The following DPP10 variants were observed in gnomAD, a reference collection of about 807,000 sequenced individuals.
DPP10 encodes the protein dipeptidyl peptidase like 10, also known as inactive dipeptidyl peptidase 10.
DPP10 carries 33 observed loss-of-function variants against 120.9 expected under a neutral mutation model. The observed-to-expected ratio is 0.27, with a 90% CI of 0.21 to 0.37. The LOEUF is 0.37. Ranked by LOEUF, DPP10 falls within the 10% of genes least tolerant of loss-of-function variation. DPP10 has a pLI of 1.00. For synonymous variants in DPP10, 337 were observed against 326.1 expected, an observed-to-expected ratio of 1.03 and a Z score of -0.36; for missense variants, 816 against 942.8, an observed-to-expected ratio of 0.87 and a Z score of 1.76.
intron 4 of DPP10, among the ~76,000 whole-genome samples, chr2:115,507,754 A>T (rs1417572712): frequency 6.6e-6 from 1 of 152,176 alleles, no homozygotes; most frequent in Non-Finnish European, 1.5e-5. Context: ...GTCATATTTT[A>T]AAAGTACACT....
chr2:114,625,131 G>T (rs1227630971), intron 1 of DPP10, among the ~76,000 whole-genome samples: 1 of 151,892 alleles, frequency 6.6e-6, no homozygotes, highest in Non-Finnish European at 1.5e-5. Flanking sequence ...ATGGTAGTTG[G>T]CTGACATTGC....
At chr2:114,608,992 G>C (rs72953536) in intron 1 of DPP10, among the ~76,000 whole-genome samples, 1 of 151,996 alleles carries the variant, frequency 6.6e-6, no homozygotes, top group South Asian at 2.1e-4. Context: ...ACAGCATCAC[G>C]CAATATACTC....
chr2:115,748,229 GTT>G (rs11284953), intron 10 of DPP10, among the ~76,000 whole-genome samples: 2,182 of 145,944 alleles, frequency 0.015, 48 homozygotes, highest in African/African-American at 0.05. Context: ...ATGTTTATGG[GTT>G]TTTTTTTTTT....
At chr2:115,460,643 G>T (rs10864941) in intron 3 of DPP10, among the ~76,000 whole-genome samples, 21,309 of 151,912 alleles carry the variant, frequency 0.14, 3,254 homozygotes, top group African/African-American at 0.37. Flanking sequence ...ACATGATATT[G>T]TCCCTACTGT....
chr2:114,697,128 A>G (rs1337288490), intron 1 of DPP10, among the ~76,000 whole-genome samples: 3 of 152,050 alleles, frequency 2.0e-5, no homozygotes, highest in Non-Finnish European at 4.4e-5. Context: ...CACCTTTTTC[A>G]TAGGAATATT....
chr2:115,818,009 G>T (rs534886190), intron 21 of DPP10, among the ~76,000 whole-genome samples: 67 of 151,920 alleles, frequency 4.4e-4, no homozygotes, highest in African/African-American at 1.5e-3. Context: ...AAAAAACAAA[G>T]ATAAATAGAG....
At chr2:114,836,874 T>C (rs1687782440) in intron 1 of DPP10, among the ~76,000 whole-genome samples, 1 of 152,170 alleles carries the variant, frequency 6.6e-6, no homozygotes. Context: ...AGAAAAATAA[T>C]TCAGTGATAT....
At chr2:115,078,517 G>T (rs1267017402) in intron 1 of DPP10, among the ~76,000 whole-genome samples, 1 of 152,168 alleles carries the variant, frequency 6.6e-6, no homozygotes, top group East Asian at 1.9e-4. Flanking sequence ...CTAAAATGTA[G>T]GCAGGTGTAA....
intron 1 of DPP10, among the ~76,000 whole-genome samples, chr2:114,658,257 A>G (rs931350511): frequency 1.6e-4 from 24 of 152,276 alleles, no homozygotes; most frequent in Non-Finnish European, 3.1e-4. Flanking sequence ...GAGATAAAGG[A>G]TATTTGACAA....
At chr2:115,672,846 A>G (rs1425119337) in intron 5 of DPP10, among the ~76,000 whole-genome samples, 3 of 151,610 alleles carry the variant, frequency 2.0e-5, no homozygotes, top group Non-Finnish European at 4.4e-5. Flanking sequence ...ACCTGGGTTC[A>G]AGTGATTCTC....
At chr2:115,004,410 T>C (rs1487272266) in intron 1 of DPP10, among the ~76,000 whole-genome samples, 10 of 152,312 alleles carry the variant, frequency 6.6e-5, no homozygotes, top group African/African-American at 2.4e-4. Flanking sequence ...GCTCCCAGCC[T>C]GAGCGACGCA....
chr2:114,538,271 G>A (rs1028656121), intron 1 of DPP10, among the ~76,000 whole-genome samples: 5 of 152,174 alleles, frequency 3.3e-5, no homozygotes, highest in African/African-American at 7.2e-5. Context: ...AGAGAAGAAA[G>A]AAGAGGAAAG....
intron 1 of DPP10, among the ~76,000 whole-genome samples, chr2:114,966,295 A>G (rs1699027804): frequency 6.6e-6 from 1 of 152,152 alleles, no homozygotes; most frequent in African/African-American, 2.4e-5. Context: ...GGTGGGGCCT[A>G]GAGGGAGGTG....
chr2:115,469,893 A>AG (rs2074581246), intron 3 of DPP10, among the ~76,000 whole-genome samples: 1 of 148,886 alleles, frequency 6.7e-6, no homozygotes, highest in Non-Finnish European at 1.5e-5. Context: ...AGAAAAAAAA[A>AG]AAAAAAGAAA....
At chr2:115,662,328 G>A (rs1252318927) in intron 5 of DPP10, among the ~76,000 whole-genome samples, 4 of 152,118 alleles carry the variant, frequency 2.6e-5, no homozygotes, top group Admixed American at 1.3e-4. Flanking sequence ...AATGAACACA[G>A]TTGTGCATAG....
At chr2:115,531,073 A>G (rs1209978213) in intron 5 of DPP10, among the ~76,000 whole-genome samples, 3 of 152,086 alleles carry the variant, frequency 2.0e-5, no homozygotes, top group African/African-American at 7.2e-5. Context: ...CTTAACACAC[A>G]ACAGTAGTTG....
chr2:115,646,470 A>C (rs1210935494), intron 5 of DPP10, among the ~76,000 whole-genome samples: 1 of 152,162 alleles, frequency 6.6e-6, no homozygotes, highest in Non-Finnish European at 1.5e-5. Flanking sequence ...TAATACTGTA[A>C]GTCCCACCTG....
intron 19 of DPP10, among the ~76,000 whole-genome samples, chr2:115,809,306 T>C (rs1279774560): frequency 6.6e-6 from 1 of 152,220 alleles, no homozygotes; most frequent in Non-Finnish European, 1.5e-5. Context: ...ATACTTTAGA[T>C]ACACATATGC....
intron 2 of DPP10, among the ~76,000 whole-genome samples, chr2:115,337,016 G>A (rs1039933961): frequency 2.6e-5 from 4 of 151,900 alleles, no homozygotes; most frequent in South Asian, 2.1e-4. Context: ...GCTAAATTAC[G>A]TTGCAATGTG....
Sources: allele counts gnomAD v4.1 joint callset (sites outside exome capture counted in the v4.1 genomes callset), GRCh38; gene constraint gnomAD v4.1.1; transcripts MANE v1.5; gene names NCBI Gene and HGNC (gene_info 2026-07-23, HGNC 2026-07-21).